Variants in GRIP1 observed in about 807,000 individuals in gnomAD.
The protein encoded by GRIP1 is glutamate receptor-interacting protein 1.
In GRIP1, 45 loss-of-function variants were observed where a neutral mutation model predicts 129.9. The observed-to-expected ratio is 0.35, with a 90% CI of 0.27 to 0.44. The LOEUF (loss-of-function observed/expected upper bound fraction) is 0.44. Ranked by LOEUF, GRIP1 falls within the 20% of genes least tolerant of loss-of-function variation. The probability of loss-of-function intolerance (pLI) is 1.00; values close to 1 mark genes in which losing one functional copy is unlikely to be tolerated. For missense variants in GRIP1, 1,196 were observed against 1,396.8 expected (o/e 0.86, Z 2.29); for synonymous variants, 530 against 520.8 (o/e 1.02, Z -0.24).
chr12:66,867,684 G>A (rs1234358850), intron 1 of GRIP1, among the ~76,000 whole-genome samples: 1 of 151,976 alleles, frequency 6.6e-6, no homozygotes, highest in African/African-American at 2.4e-5. Context: ...TTATCTGTTT[G>A]GAAAATGGCA....
chr12:66,625,597 T>G (rs758526495), intron 1 of GRIP1, among the ~76,000 whole-genome samples: 1 of 152,128 alleles, frequency 6.6e-6, no homozygotes, highest in Non-Finnish European at 1.5e-5. Context: ...ATGAAGAAAT[T>G]CAAAATGATG....
chr12:66,506,381 A>G (rs1181708402), intron 7 of GRIP1, among the ~76,000 whole-genome samples: 2 of 152,340 alleles, frequency 1.3e-5, no homozygotes, highest in East Asian at 3.9e-4. Context: ...ATTGCTATAG[A>G]CAACAATATG....
Position 66,581,191 on chromosome 12 carries a change from GT to G in GRIP1, c.136+15655del, listed in dbSNP as rs1173486591. The stretch of plus-strand genomic sequence containing the variant: ...ACGAAATGAAGGCAGAAATAAAGAT[GT>G]TCTTTGAAACCAAAGAGAACAAAGA... On this transcript the variant is annotated intron_variant, in intron 2 of 24. Transcript: ENST00000359742. Among the ~76,000 whole-genome samples the G allele has an allele frequency of 2.6e-5, 4 of 152,244 alleles. No homozygotes were observed. In the East Asian group the frequency reaches 7.7e-4, roughly 29 times the overall value.
chr12:66,747,509 CAT>C (rs1054470010), intron 1 of GRIP1, among the ~76,000 whole-genome samples: 1 of 151,964 alleles, frequency 6.6e-6, no homozygotes, highest in Non-Finnish European at 1.5e-5. Flanking sequence ...GGATGAAAAA[CAT>C]AGGTAAAGCT....
At chr12:66,721,747 T>C (rs531492162) in intron 1 of GRIP1, among the ~76,000 whole-genome samples, 1 of 152,356 alleles carries the variant, frequency 6.6e-6, no homozygotes, top group East Asian at 1.9e-4. Flanking sequence ...TAATCTACAA[T>C]GAAAATATGT....
chr12:66,963,389 T>C (rs574440428), intron 1 of GRIP1, among the ~76,000 whole-genome samples: 1 of 152,210 alleles, frequency 6.6e-6, no homozygotes, highest in South Asian at 2.1e-4. Flanking sequence ...TGAATGCACA[T>C]TCTAATACTA....
At chr12:66,731,967 A>C (rs2036451703) in intron 1 of GRIP1, among the ~76,000 whole-genome samples, 1 of 152,218 alleles carries the variant, frequency 6.6e-6, no homozygotes, top group African/African-American at 2.4e-5. Context: ...GTTAATTCAA[A>C]AAATTGAGAA....
chr12:66,417,786 A>G (rs1315922509), intron 15 of GRIP1, among the ~76,000 whole-genome samples: 2 of 152,204 alleles, frequency 1.3e-5, no homozygotes, highest in Non-Finnish European at 2.9e-5. Context: ...GAAATTGAAG[A>G]GGACACAAAC....
chr12:66,650,670 C>G (rs1258778003), intron 1 of GRIP1, among the ~76,000 whole-genome samples: 3 of 152,100 alleles, frequency 2.0e-5, no homozygotes, highest in Admixed American at 1.3e-4. Context: ...TCTTAATGGT[C>G]ACGAATGAGG....
chr12:67,034,266 C>T (rs2043062574), intron 1 of GRIP1, among the ~76,000 whole-genome samples: 1 of 152,190 alleles, frequency 6.6e-6, no homozygotes, highest in Non-Finnish European at 1.5e-5. Flanking sequence ...TCATAGCCTG[C>T]TTCCTGTACT....
intron 7 of GRIP1, among the ~76,000 whole-genome samples, chr12:66,469,376 C>T (rs1480776501): frequency 6.6e-6 from 1 of 152,062 alleles, no homozygotes; most frequent in Non-Finnish European, 1.5e-5. Context: ...ATCCCAGTAT[C>T]CTACAATCAA....
At chr12:66,956,346 A>G (rs2041841150) in intron 1 of GRIP1, among the ~76,000 whole-genome samples, 1 of 152,076 alleles carries the variant, frequency 6.6e-6, no homozygotes, top group African/African-American at 2.4e-5. Context: ...TAGACTTTGG[A>G]GTGTGGTGAG....
chr12:66,452,518 A>AT (rs953303247), intron 11 of GRIP1, among the ~76,000 whole-genome samples: 18 of 151,988 alleles, frequency 1.2e-4, no homozygotes, highest in Admixed American at 5.2e-4. Context: ...AGAAGATTTC[A>AT]TTTTTTTTCT....
At chr12:66,655,606 CTTTTTT>C (rs1173143521) in intron 1 of GRIP1, among the ~76,000 whole-genome samples, 3 of 118,042 alleles carry the variant, frequency 2.5e-5, no homozygotes, top group African/African-American at 9.6e-5. Context: ...TTTTTTTGTA[CTTTTTT>C]TTTTTTTTTT....
At chr12:66,362,655 A>C (rs543263266) in intron 23 of GRIP1, among the ~76,000 whole-genome samples, 1 of 152,022 alleles carries the variant, frequency 6.6e-6, no homozygotes, top group South Asian at 2.1e-4. Flanking sequence ...TGATCACAAC[A>C]GAGATGCATA....
intron 1 of GRIP1, among the ~76,000 whole-genome samples, chr12:66,886,599 T>C (rs1336775060): frequency 6.6e-6 from 1 of 152,306 alleles, no homozygotes; most frequent in East Asian, 1.9e-4. Context: ...AGGAGACTCC[T>C]GAGCTGGGCT....
intron 1 of GRIP1, among the ~76,000 whole-genome samples, chr12:66,666,070 T>TA (rs1330570439): frequency 2.0e-5 from 3 of 152,178 alleles, no homozygotes; most frequent in Non-Finnish European, 4.4e-5. Context: ...AACATAAAGC[T>TA]AGTCAGGTAT....
At chr12:66,595,825 AG>A (rs1429859119) in intron 2 of GRIP1, among the ~76,000 whole-genome samples, 4 of 152,228 alleles carry the variant, frequency 2.6e-5, no homozygotes, top group Admixed American at 2.6e-4. Flanking sequence ...TTGGAATAAG[AG>A]TGAAAATAAC....
intron 2 of GRIP1, among the ~76,000 whole-genome samples, chr12:66,577,426 T>C (rs1472738330): frequency 1.3e-5 from 2 of 152,222 alleles, no homozygotes; most frequent in Non-Finnish European, 1.5e-5. Context: ...GGAAAATATG[T>C]GTATGTGATG....
Sources: allele counts gnomAD v4.1 joint callset (sites outside exome capture counted in the v4.1 genomes callset), GRCh38; gene constraint gnomAD v4.1.1; transcripts MANE v1.5; gene names NCBI Gene and HGNC (gene_info 2026-07-23, HGNC 2026-07-21).